Variants in RBFOX1 observed in about 807,000 individuals in gnomAD.
RBFOX1 encodes the protein RNA binding protein fox-1 homolog 1.
A neutral mutation model predicts 57.7 loss-of-function variants in RBFOX1; 8 were observed. That is an observed-to-expected ratio of 0.14 (90% CI 0.08 to 0.25). RBFOX1 has a LOEUF of 0.25. Ranked by LOEUF, RBFOX1 falls within the 10% of genes least tolerant of loss-of-function variation. The probability of loss-of-function intolerance (pLI) is 1.00; values close to 1 mark genes in which losing one functional copy is unlikely to be tolerated. For synonymous variants in RBFOX1, 326 were observed against 222.4 expected (o/e 1.47, Z -4.15); for missense variants, 611 against 548.5 (o/e 1.11, Z -1.14).
At chr16:5,855,580 T>C (rs2057003837) in intron 3 of RBFOX1, among the ~76,000 whole-genome samples, 1 of 152,138 alleles carries the variant, frequency 6.6e-6, no homozygotes, top group Admixed American at 6.5e-5. Context: ...CCATTGGTCT[T>C]TATGTCTGTT....
At chr16:5,749,870 G>C (rs933232482) in intron 3 of RBFOX1, among the ~76,000 whole-genome samples, 1 of 152,146 alleles carries the variant, frequency 6.6e-6, no homozygotes, top group Admixed American at 6.5e-5. Flanking sequence ...TCAACTCGTC[G>C]AAGTCATTCT....
chr16:6,527,160 T>C (rs1020448594), intron 2 of RBFOX1, among the ~76,000 whole-genome samples: 3 of 152,182 alleles, frequency 2.0e-5, no homozygotes, highest in Admixed American at 2.0e-4. Context: ...TTCAAAAATA[T>C]AAAAAGGGAT....
At chr16:5,434,027 T>A (rs2067834803) in intron 1 of RBFOX1, among the ~76,000 whole-genome samples, 1 of 151,380 alleles carries the variant, frequency 6.6e-6, no homozygotes, top group South Asian at 2.1e-4. Flanking sequence ...AATTTTGAGT[T>A]GGGGTAGGGG....
At chr16:6,311,548 AG>A (rs1326332651) in intron 1 of RBFOX1, among the ~76,000 whole-genome samples, 1 of 152,166 alleles carries the variant, frequency 6.6e-6, no homozygotes, top group Non-Finnish European at 1.5e-5. Context: ...TGGCAGGGAA[AG>A]GTGGTGCTTT....
chr16:5,401,081 A>G (rs2066701191), intron 1 of RBFOX1, among the ~76,000 whole-genome samples: 1 of 152,176 alleles, frequency 6.6e-6, no homozygotes, highest in Non-Finnish European at 1.5e-5. Context: ...TTTTAAGGTC[A>G]TCAATATATC....
At chr16:7,710,173 A>T in intron 15 of RBFOX1, 3 of 1,022,668 alleles carry the variant, frequency 2.9e-6, no homozygotes, top group Non-Finnish European at 3.5e-6. Flanking sequence ...CAGCTTACAG[A>T]GCCAAGTTAA....
intron 3 of RBFOX1, among the ~76,000 whole-genome samples, chr16:5,703,547 A>G (rs1203217985): frequency 6.6e-6 from 1 of 152,200 alleles, no homozygotes; most frequent in Non-Finnish European, 1.5e-5. Flanking sequence ...GAGCCATGGA[A>G]GCCTATTTAA....
At chr16:5,467,192 C>CTG in intron 1 of RBFOX1, 3 of 1,463,836 alleles carry the variant, frequency 2.0e-6, no homozygotes, top group South Asian at 1.3e-5. Context: ...CTCTCTCTCT[C>CTG]TCTCTTTTTT....
chr16:5,794,953 C>T (rs1324518919), intron 3 of RBFOX1, among the ~76,000 whole-genome samples: 1 of 152,200 alleles, frequency 6.6e-6, no homozygotes, highest in Admixed American at 6.5e-5. Flanking sequence ...CACACACCCA[C>T]TCTCATCTCA....
intron 4 of RBFOX1, among the ~76,000 whole-genome samples, chr16:7,444,025 T>A (rs1337360515): frequency 6.6e-6 from 1 of 152,226 alleles, no homozygotes; most frequent in Non-Finnish European, 1.5e-5. Flanking sequence ...AGAATTGTTT[T>A]CTGTGGTTGC....
chr16:6,650,701 G>A (rs371012618), intron 2 of RBFOX1, among the ~76,000 whole-genome samples: 2 of 152,150 alleles, frequency 1.3e-5, no homozygotes, highest in East Asian at 1.9e-4. Context: ...TTCACCTTAT[G>A]ATATTGTCTC....
chr16:7,205,003 C>T (rs147744603), intron 4 of RBFOX1, among the ~76,000 whole-genome samples: 91 of 152,294 alleles, frequency 6.0e-4, no homozygotes, highest in African/African-American at 2.1e-3. Flanking sequence ...ATCCTACACT[C>T]TCTTTTCCAT....
At chr16:6,384,321 G>A (rs141237594) in intron 2 of RBFOX1, among the ~76,000 whole-genome samples, 1,710 of 152,218 alleles carry the variant, frequency 0.011, 13 homozygotes, top group Middle Eastern at 0.031. Flanking sequence ...TGTGGAGGAA[G>A]ATAAAAATAA....
intron 3 of RBFOX1, among the ~76,000 whole-genome samples, chr16:6,882,736 C>G (rs187726569): frequency 1.3e-5 from 2 of 152,052 alleles, no homozygotes; most frequent in African/African-American, 4.8e-5. Flanking sequence ...CCAACGGCAA[C>G]CAAAGAGACG....
In RBFOX1 at chr16:7,630,592, C is replaced by T. The variant is rs749389051; in HGVS notation, c.677-11C>T. ...CCCAAACCAGATACCATCTCTCTCT[C>T]TCTTTCGTAGGCACGGTCCTGTTGT... On this transcript the variant is annotated splice_polypyrimidine_tract_variant and intron_variant, in intron 10 of 15. Transcript: ENST00000550418. 1.2e-6 allele frequency: 2 copies of T among 1,614,076 alleles called. No homozygotes were observed. Among genetic ancestry groups the T allele is most frequent in the South Asian group, 1.1e-5 (1 of 91,056 alleles).
At chr16:7,246,985 C>G (rs938268231) in intron 4 of RBFOX1, among the ~76,000 whole-genome samples, 4 of 152,100 alleles carry the variant, frequency 2.6e-5, no homozygotes, top group Non-Finnish European at 4.4e-5. Context: ...GTATTCTTTT[C>G]CTATTGGTCC....
In RBFOX1 at chr16:6,435,359, A is replaced by G. The variant is rs2094205277; in HGVS notation, c.-64+118302A>G. On this transcript the variant is annotated intron_variant, in intron 2 of 15. Transcript: ENST00000550418. ...TCTGTCGCCCAGGCTGGAGGGCAGTAGTGTGATCTCGGCTCACTGCAGCCT... is the reference window on the plus strand; with the variant it reads ...TCTGTCGCCCAGGCTGGAGGGCAGTGGTGTGATCTCGGCTCACTGCAGCCT... Among the ~76,000 whole-genome samples the G allele has an allele frequency of 2.0e-5, 3 of 152,064 alleles. No individual in the cohort carries two copies. In the South Asian group the frequency reaches 6.2e-4, roughly 32 times the overall value.
chr16:6,044,536 C>G (rs1273526266), intron 1 of RBFOX1, among the ~76,000 whole-genome samples: 1 of 151,360 alleles, frequency 6.6e-6, no homozygotes, highest in Non-Finnish European at 1.5e-5. Flanking sequence ...AGCTAATGAG[C>G]TAATTACAGA....
At chr16:6,451,142 T>G (rs2094613021) in intron 2 of RBFOX1, among the ~76,000 whole-genome samples, 1 of 151,692 alleles carries the variant, frequency 6.6e-6, no homozygotes, top group South Asian at 2.1e-4. Context: ...AGTATTCTTT[T>G]GATCCAGTGC....
Sources: allele counts gnomAD v4.1 joint callset (sites outside exome capture counted in the v4.1 genomes callset), GRCh38; gene constraint gnomAD v4.1.1; transcripts MANE v1.5; gene names NCBI Gene and HGNC (gene_info 2026-07-23, HGNC 2026-07-21).